Variants in LTBP3 observed in about 807,000 individuals in gnomAD.
The protein encoded by LTBP3 is latent transforming growth factor beta binding protein 3.
A neutral mutation model predicts 159.7 loss-of-function variants in LTBP3; 97 were observed. The ratio of observed to expected loss-of-function variants is 0.61; its 90% CI spans 0.52 to 0.72. The LOEUF (loss-of-function observed/expected upper bound fraction) is 0.72, where lower values mean the gene tolerates loss of function less well. Among genes scored for constraint, LTBP3 ranks in the 30% least tolerant of loss-of-function variants. The pLI is 0.00. For missense variants in LTBP3, 1,584 were observed against 1,864.3 expected (o/e 0.85, Z 2.77); for synonymous variants, 824 against 777.1 (o/e 1.06, Z -1.00).
intron 1 of LTBP3, among the ~76,000 whole-genome samples, chr11:65,555,529 C>T (rs1856777820): frequency 6.6e-6 from 1 of 152,314 alleles, no homozygotes; most frequent in South Asian, 2.1e-4. Context: ...TTACCACCCA[C>T]TGGCCAGCTC....
chr11:65,546,626 G>C lies in LTBP3; in HGVS notation c.2231-62C>G, dbSNP rs529816098. The C allele has an allele frequency of 0.013, 21,432 of 1,594,018 alleles. 178 individuals are homozygous for C. Among genetic ancestry groups the C allele is most frequent in the Non-Finnish European group, 0.016 (18,770 of 1,178,016 alleles). On this transcript the variant is annotated intron_variant, in intron 15 of 27. Coordinates refer to ENST00000301873, the MANE Select transcript of LTBP3 (RefSeq NM_001130144.3). This position sits in a 1 kb window ranked among gnomAD's most constrained non-coding sequence, Gnocchi z 4.0. ...CCGGAAGGCGGACCGCGCACCTCGC[G>C]GGGGTGTGGGTCTCTTCCCTGGAAC... is the stretch of plus-strand genomic sequence containing the variant.
At chr11:65,550,607 C>T (rs1339958724) in intron 11 of LTBP3, among the ~76,000 whole-genome samples, 3 of 151,488 alleles carry the variant, frequency 2.0e-5, no homozygotes, top group East Asian at 2.0e-4. Context: ...GGGCGCATCA[C>T]GAGGTCAAGA....
rs564951728 is a variant in LTBP3, at chr11:65,540,107, G to A, written c.3291C>T (p.Cys1097=). 14 of 1,526,534 alleles carry A rather than the reference G, an allele frequency of 9.2e-6. No individual in the cohort carries two copies. The South Asian group carries it at 1.7e-4, about 18-fold the overall frequency. 94.6% of individuals were successfully genotyped at this position (1,526,534 alleles called of 1,614,324 possible). A position where few individuals can be genotyped will look rare whatever the true frequency, so the allele number is the denominator to read the frequency against. Residue 1097 remains cysteine, a synonymous_variant, in exon 24 of 28, where the codon TGC becomes TGT. Coordinates refer to ENST00000301873, the MANE Select transcript of LTBP3 (RefSeq NM_001130144.3). ...QDPAACRPGR[C]VNLPGSYRCE... ...AGCGGTAGGAGCCCGGCAGGTTGAC[G>A]CAGCGGCCAGGGCGGCAGGCTGCCG...
chr11:65,554,572 G>C lies in LTBP3; in HGVS notation c.332-192C>G, dbSNP rs1355690499. 6.6e-6 allele frequency among the ~76,000 whole-genome samples: 1 copy of C among 151,972 alleles called. No homozygotes were observed. Among genetic ancestry groups the C allele is most frequent in the Non-Finnish European group, 1.5e-5 (1 of 67,966 alleles). ...GTTGGGTTCTGGAGTCTCAAGTCCAGGATTTAAATCCTCGCTAAGCCATGT... is the reference window on the plus strand; with the variant it reads ...GTTGGGTTCTGGAGTCTCAAGTCCACGATTTAAATCCTCGCTAAGCCATGT... On this transcript the variant is annotated intron_variant, in intron 1 of 27. Coordinates refer to ENST00000301873, the MANE Select transcript of LTBP3 (RefSeq NM_001130144.3). This position sits in a 1 kb window ranked among gnomAD's most constrained non-coding sequence, Gnocchi z 5.3.
chr11:65,541,041 C>CA, intron 20 of LTBP3, 85 bp downstream of exon 20: 1 of 1,585,182 alleles, frequency 6.3e-7, no homozygotes, highest in Non-Finnish European at 8.6e-7. Context: ...GCCTATTTCC[C>CA]AACTGCCAGG....
chr11:65,539,109 C>T lies in LTBP3; in HGVS notation c.3883G>A (p.Gly1295Arg). 6.8e-7 allele frequency: 1 copy of T among 1,463,950 alleles called. No individual in the cohort carries two copies. Among genetic ancestry groups the T allele is most frequent in the South Asian group, 1.3e-5 (1 of 78,834 alleles). 90.7% of individuals were successfully genotyped at this position (1,463,950 alleles called of 1,614,324 possible). Residue 1295 changes from glycine to arginine, a missense_variant, in exon 28 of 28, where the codon GGG becomes AGG. Transcript: ENST00000301873. ...CGGCGGCGCTGGGGAACGCAGGCCC[C>T]GTGCGGGCGGCTGCGCGCGAAGCCG... ...KAGFARSRPH[G>R]ACVPQRRR
At chr11:65,543,388 G>C (rs759644766) in intron 17 of LTBP3, 39 bp downstream of exon 17, 1 of 1,613,304 alleles carries the variant, frequency 6.2e-7, no homozygotes, top group Admixed American at 1.7e-5. Flanking sequence ...CCTGGGGTAG[G>C]GAGGGACAGG....
rs767849093 is a variant in LTBP3 at position 65,551,491 on chromosome 11, C to T, written c.1549-17G>A. 1.9e-6 allele frequency: 3 copies of T among 1,614,048 alleles called. No individual in the cohort carries two copies. The highest frequency in any genetic ancestry group is 2.5e-6 in the Non-Finnish European group (3 of 1,180,008). On this transcript the variant is annotated splice_polypyrimidine_tract_variant and intron_variant, in intron 9 of 27. Coordinates refer to ENST00000301873, the MANE Select transcript of LTBP3 (RefSeq NM_001130144.3). ...ACTCACCGGCTGCGGGTGACAGCAG[C>T]ATGAGCCCTCCTGTCCCTCGCCTGC...
At position 65,551,576 on chromosome 11, in the gene LTBP3, G is replaced by A. The variant is rs1856615447; in HGVS notation, c.1532-12C>T. ...GTCCGTGGTCACCCCTAAAAGGGAA[G>A]AAGATGGGGCCATGAAGTGTTGGGG... On this transcript the variant is annotated splice_polypyrimidine_tract_variant and intron_variant, in intron 8 of 27. Coordinates refer to ENST00000301873, the MANE Select transcript of LTBP3 (RefSeq NM_001130144.3). 6.2e-7 allele frequency: 1 copy of A among 1,614,046 alleles called. No homozygotes were observed. The highest frequency in any genetic ancestry group is 8.5e-7 in the Non-Finnish European group (1 of 1,180,022).
chr11:65,543,145 G>A lies in LTBP3; in HGVS notation c.2556C>T (p.Cys852=), dbSNP rs1856228114. ...CACCCACCAGCCGATGCCCCTGGGG[G>A]CAAAGACATCTGTAGGAGCCATTGG... is the stretch of plus-strand genomic sequence containing the variant. ...INTNGSYRCL[C]PQGHRLVGGR... Residue 852 remains cysteine (C), a synonymous_variant, in exon 18 of 28, where the codon TGC becomes TGT. Coordinates refer to ENST00000301873, the MANE Select transcript of LTBP3 (RefSeq NM_001130144.3). The A allele has an allele frequency of 3.7e-6, 6 of 1,614,008 alleles. No homozygotes were observed. The South Asian group carries it at 6.6e-5, about 18-fold the overall frequency.
chr11:65,539,542 A>C lies in LTBP3; in HGVS notation c.3628+6T>G, dbSNP rs1314187943. ...CCCCGCCACCGCCCGACCCGGCAGC[A>C]CTCACCTCTTGGGGGCTTCCCCAAC... On this transcript the variant is annotated splice_donor_region_variant and intron_variant, in intron 26 of 27. Coordinates refer to ENST00000301873, the MANE Select transcript of LTBP3 (RefSeq NM_001130144.3). The C allele has an allele frequency of 1.2e-6, 2 of 1,612,090 alleles. No individual in the cohort carries two copies. The highest frequency in any genetic ancestry group is 1.7e-6 in the Non-Finnish European group (2 of 1,179,040).
intron 8 of LTBP3, 169 bp from the exon 9 acceptor site, chr11:65,551,733 G>T: frequency 1.1e-6 from 1 of 938,488 alleles, no homozygotes; most frequent in Non-Finnish European, 1.7e-6. Flanking sequence ...TTGCATAGTA[G>T]TCACATGATC....
Position 65,539,539 on chromosome 11 carries a change from A to G in LTBP3, c.3628+9T>C, listed in dbSNP as rs748045832. On this transcript the variant is annotated intron_variant, in intron 26 of 27. Transcript: ENST00000301873. ...CAACCCCGCCACCGCCCGACCCGGC[A>G]GCACTCACCTCTTGGGGGCTTCCCC... 1 of 1,611,830 alleles carries G rather than the reference A, an allele frequency of 6.2e-7. No individual in the cohort carries two copies. Among genetic ancestry groups the G allele is most frequent in the Admixed American group, 1.7e-5 (1 of 59,880 alleles).
chr11:65,551,300 G>T, intron 10 of LTBP3, 76 bp from the exon 11 acceptor site: 1 of 1,531,540 alleles, frequency 6.5e-7, no homozygotes, highest in East Asian at 2.4e-5. Context: ...TTGGCCCGGC[G>T]CCCCACCCCA....
At position 65,553,941 on chromosome 11, in the gene LTBP3, C is replaced by T. The variant is rs1439605515; in HGVS notation, c.662-38G>A. On this transcript the variant is annotated intron_variant, in intron 2 of 27. Coordinates refer to ENST00000301873, the MANE Select transcript of LTBP3 (RefSeq NM_001130144.3). This position sits in a 1 kb window ranked among gnomAD's most constrained non-coding sequence, Gnocchi z 6.5. ...GCGGTGGCCTCAGGGCTGCCCGCAC[C>T]GCGCCGCGGGTCACCGCGCTGAGCT... 1.3e-6 allele frequency: 2 copies of T among 1,520,756 alleles called. No individual in the cohort carries two copies. The highest frequency in any genetic ancestry group is 2.4e-5 in the East Asian group (1 of 42,008). 94.2% of individuals were successfully genotyped at this position (1,520,756 alleles called of 1,614,324 possible).
rs781078327 is a variant in LTBP3 at position 65,553,213 on chromosome 11, G to A, written c.1014C>T (p.Gly338=). ...TCTTGTAGCCCTGGGGACAGTCAGC[G>A]CCCACTTCCCCACGTACAGGCCCTG... ...QKPGPVRGEV[G]ADCPQGYKRL... The change falls in exon 5 of 28, where the codon GGC becomes GGT. Residue 338 remains glycine (G), a synonymous_variant. Transcript: ENST00000301873. This position sits in a 1 kb window ranked among gnomAD's most constrained non-coding sequence, Gnocchi z 6.5. The A allele has an allele frequency of 9.9e-6, 16 of 1,613,998 alleles. No individual in the cohort carries two copies. The highest frequency in any genetic ancestry group is 9.3e-5 in the African/African-American group (7 of 74,888).
Position 65,541,718 on chromosome 11 carries a change from C to T in LTBP3, c.2607G>A (p.Glu869=). ...GGCACAGGCTCGGGTCCTGGCTGCA[C>T]TCATCTATGTCTGCGGGGCAAGAGT... is the stretch of plus-strand genomic sequence containing the variant. ...VGGRKCQDID[E]CSQDPSLCLP... The change falls in exon 19 of 28, where the codon GAG becomes GAA. Residue 869 remains glutamate (E), a synonymous_variant. Transcript: ENST00000301873. The T allele has an allele frequency of 1.2e-6, 2 of 1,614,116 alleles. No individual in the cohort carries two copies. Among genetic ancestry groups the T allele is most frequent in the Non-Finnish European group, 8.5e-7 (1 of 1,179,992 alleles).
At chr11:65,542,993 G>GATGA (rs1856218363) in intron 18 of LTBP3, 112 bp downstream of exon 18, 7 of 1,360,542 alleles carry the variant, frequency 5.1e-6, no homozygotes, top group Non-Finnish European at 7.2e-6. Flanking sequence ...TGGATGGATG[G>GATGA]ATGAAGGATG....
At chr11:65,542,431 A>G (rs891755400) in intron 18 of LTBP3, 1 of 121,756 alleles carries the variant, frequency 8.2e-6, no homozygotes, top group African/African-American at 3.4e-5. Flanking sequence ...CTCTCTGCCC[A>G]GGCTGGAGTA....
Sources: allele counts gnomAD v4.1 joint callset (sites outside exome capture counted in the v4.1 genomes callset), GRCh38; gene constraint gnomAD v4.1.1; non-coding constraint Gnocchi (gnomAD v3.1); transcripts MANE v1.5; gene names NCBI Gene and HGNC (gene_info 2026-07-23, HGNC 2026-07-21).